Variants in TNS3 observed in about 807,000 individuals in gnomAD.
TNS3 encodes tensin-3.
A neutral mutation model predicts 140.9 loss-of-function variants in TNS3; 45 were observed. The observed-to-expected ratio is 0.32, with a 90% CI of 0.25 to 0.41. The LOEUF (loss-of-function observed/expected upper bound fraction) is 0.41, where lower values mean the gene tolerates loss of function less well. Among genes scored for constraint, TNS3 ranks in the 10% least tolerant of loss-of-function variants. The probability of loss-of-function intolerance (pLI) is 1.00; values close to 1 mark genes in which losing one functional copy is unlikely to be tolerated. For missense variants in TNS3, 1,716 were observed against 1,906.7 expected, an observed-to-expected ratio of 0.90 and a Z score of 1.86; for synonymous variants, 815 against 788.4, an observed-to-expected ratio of 1.03 and a Z score of -0.56.
chr7:47,439,255 T>C (rs2151560796), intron 6 of TNS3, among the ~76,000 whole-genome samples: 1 of 152,296 alleles, frequency 6.6e-6, no homozygotes, highest in African/African-American at 2.4e-5. Context: ...GCAACAGCCA[T>C]CCCTGCGGTC....
intron 17 of TNS3, among the ~76,000 whole-genome samples, chr7:47,365,408 G>A (rs550910398): frequency 2.1e-4 from 31 of 149,156 alleles, no homozygotes; most frequent in Admixed American, 6.8e-4. Flanking sequence ...TTGTGCCACT[G>A]CACTCCAGCC....
At chr7:47,321,151 G>T (rs891950364) in intron 20 of TNS3, among the ~76,000 whole-genome samples, 1 of 152,248 alleles carries the variant, frequency 6.6e-6, no homozygotes, top group African/African-American at 2.4e-5. Flanking sequence ...CGAGGAGGGA[G>T]ATGATGCGGC....
At chr7:47,314,426 T>A (rs182431297) in intron 20 of TNS3, among the ~76,000 whole-genome samples, 195 of 152,272 alleles carry the variant, frequency 1.3e-3, no homozygotes, top group Non-Finnish European at 2.4e-3. Flanking sequence ...CTGCTGAGCA[T>A]CTAGCAAGCA....
At chr7:47,458,199 A>G (rs998672778) in intron 4 of TNS3, among the ~76,000 whole-genome samples, 1 of 152,202 alleles carries the variant, frequency 6.6e-6, no homozygotes, top group Non-Finnish European at 1.5e-5. Flanking sequence ...CTGGTTAGTC[A>G]GCTGAGGCCA....
intron 23 of TNS3, among the ~76,000 whole-genome samples, chr7:47,301,185 C>CA (rs1183325938): frequency 6.6e-6 from 1 of 152,164 alleles, no homozygotes; most frequent in Non-Finnish European, 1.5e-5. Flanking sequence ...GGCAGCTTGT[C>CA]ATTTCTCACC....
At chr7:47,323,381 C>T (rs560338510) in intron 20 of TNS3, among the ~76,000 whole-genome samples, 2 of 152,078 alleles carry the variant, frequency 1.3e-5, no homozygotes, top group East Asian at 1.9e-4. Context: ...AAATACCATT[C>T]AGGAATGAAG....
chr7:47,307,304 C>G (rs527876778), intron 20 of TNS3, among the ~76,000 whole-genome samples: 1 of 152,104 alleles, frequency 6.6e-6, no homozygotes, highest in Non-Finnish European at 1.5e-5. Context: ...TTTGAGATTC[C>G]GCCACATTGT....
At chr7:47,428,861 A>G (rs1794790905) in intron 8 of TNS3, among the ~76,000 whole-genome samples, 1 of 152,184 alleles carries the variant, frequency 6.6e-6, no homozygotes, top group African/African-American at 2.4e-5. Context: ...ACACCGCCGC[A>G]GCCCACCCTC....
At chr7:47,475,437 C>G (rs1797153960) in intron 4 of TNS3, among the ~76,000 whole-genome samples, 1 of 152,246 alleles carries the variant, frequency 6.6e-6, no homozygotes. Flanking sequence ...TCAGGCACTG[C>G]CCTGAACCCT....
chr7:47,478,273 G>A (rs1797270302), intron 4 of TNS3, among the ~76,000 whole-genome samples: 1 of 152,148 alleles, frequency 6.6e-6, no homozygotes, highest in Non-Finnish European at 1.5e-5. Flanking sequence ...CTGAGAATGT[G>A]CATTTCTATA....
chr7:47,396,475 G>C (rs1156897376), intron 16 of TNS3: 2 of 303,574 alleles, frequency 6.6e-6, no homozygotes, highest in African/African-American at 4.4e-5. Flanking sequence ...ATGCAAAACG[G>C]AAGGGACGGA....
intron 3 of TNS3, among the ~76,000 whole-genome samples, chr7:47,503,935 T>C (rs1798318229): frequency 6.6e-6 from 1 of 152,120 alleles, no homozygotes; most frequent in Non-Finnish European, 1.5e-5. Flanking sequence ...TAATCTCATT[T>C]ATAGACACTC....
intron 4 of TNS3, among the ~76,000 whole-genome samples, chr7:47,447,297 G>A (rs1044042366): frequency 6.7e-6 from 1 of 148,208 alleles, no homozygotes; most frequent in African/African-American, 2.5e-5. Flanking sequence ...TTTTTGAGAT[G>A]GAGTCTTGCT....
In TNS3 at chr7:47,400,580, C is replaced by G. The variant is rs1053945399; in HGVS notation, c.854-122G>C. The G allele has an allele frequency of 1.4e-5, 18 of 1,252,364 alleles. No individual in the cohort carries two copies. In the African/African-American group the frequency reaches 1.8e-4, roughly 12 times the overall value. The allele number at this position is 1,252,364 out of a possible 1,614,324, so 77.6% of individuals were successfully genotyped here. ...TCCCAAATCTGCAATAAAGACACCC[C>G]ATGATACAGAAAGTATAGGCAGTTT... On this transcript the variant is annotated intron_variant, in intron 14 of 30. Transcript: ENST00000311160.
chr7:47,475,027 C>A (rs997264497), intron 4 of TNS3, among the ~76,000 whole-genome samples: 1 of 151,880 alleles, frequency 6.6e-6, no homozygotes, highest in African/African-American at 2.4e-5. Context: ...AACACACACA[C>A]CTCACACAAC....
At chr7:47,386,798 C>T (rs1274512904) in intron 16 of TNS3, among the ~76,000 whole-genome samples, 1 of 152,238 alleles carries the variant, frequency 6.6e-6, no homozygotes, top group Non-Finnish European at 1.5e-5. Context: ...TCCATTAAAG[C>T]TCGCTTTTCT....
At chr7:47,457,908 C>T (rs149096639) in intron 4 of TNS3, among the ~76,000 whole-genome samples, 126 of 152,282 alleles carry the variant, frequency 8.3e-4, no homozygotes, top group African/African-American at 3.0e-3. Flanking sequence ...CAGCACTGTC[C>T]TCAGGTGCAC....
intron 17 of TNS3, among the ~76,000 whole-genome samples, chr7:47,355,762 T>C (rs138909861): frequency 5.3e-5 from 8 of 152,346 alleles, no homozygotes; most frequent in African/African-American, 1.7e-4. Flanking sequence ...TCAGTACTTA[T>C]GTTGACCCTG....
intron 16 of TNS3, 55 bp downstream of exon 16, chr7:47,396,745 C>T: frequency 1.4e-6 from 2 of 1,394,166 alleles, no homozygotes; most frequent in Non-Finnish European, 2.0e-6. Flanking sequence ...TTTGAGTGGG[C>T]TGTCTTCCCT....
Sources: gnomAD v4.1 joint callset for allele counts (sites outside exome capture counted in the v4.1 genomes callset) on GRCh38, gnomAD v4.1.1 for gene constraint, MANE v1.5 for transcripts, NCBI Gene and HGNC (gene_info 2026-07-23, HGNC 2026-07-21) for gene names.